ZNF600: variants seen among roughly 807,000 people sequenced by gnomAD.
The protein encoded by ZNF600 is zinc finger protein 600.
ZNF600 carries 4 observed loss-of-function variants against 7.3 expected under a neutral mutation model. The observed-to-expected ratio is 0.55, with a 90% CI of 0.27 to 1.25. ZNF600 has a LOEUF of 1.25. Ranked by LOEUF, ZNF600 falls within the 50% of genes most tolerant of loss-of-function variation. The pLI, the probability that ZNF600 is intolerant of heterozygous loss-of-function variation, is 0.12. For synonymous variants in ZNF600, 290 were observed against 308.9 expected (o/e 0.94, Z 0.64); for missense variants, 911 against 922.1 (o/e 0.99, Z 0.16).
intron 1 of ZNF600, among the ~76,000 whole-genome samples, chr19:52,783,113 T>G (rs977398921): frequency 6.7e-6 from 1 of 150,212 alleles, no homozygotes; most frequent in Admixed American, 6.7e-5. Context: ...GTCACTGTCC[T>G]CTGGCTGAAG....
rs1423263563 is a variant in ZNF600 at position 52,767,683 on chromosome 19, G to C, written c.280C>G (p.Gln94Glu). The change falls in exon 4 of 4, where the codon CAA (glutamine) becomes GAA (glutamate). Residue 94 changes from glutamine (Q) to glutamate (E), a missense_variant. Physicochemically the swap from Gln to Glu is conservative, Grantham distance 29. Transcript: ENST00000648973. ...CAAAAATCTCCAATGTGATAACTTTGATATCTTTGCAATGTCCCTGTGTGG... is the reference window on the plus strand; with the variant it reads ...CAAAAATCTCCAATGTGATAACTTTCATATCTTTGCAATGTCCCTGTGTGG... The C allele has an allele frequency of 1.3e-5, 21 of 1,613,730 alleles. No homozygotes were observed. The highest frequency in any genetic ancestry group is 6.7e-5 in the Admixed American group (4 of 59,954).
chr19:52,794,168 GA>G, the ZNF600 span, among the ~76,000 whole-genome samples: 2 of 152,222 alleles, frequency 1.3e-5, no homozygotes, highest in Admixed American at 1.3e-4. Flanking sequence ...ATGAGATAAG[GA>G]AAAGCAGTGG....
intron 3 of ZNF600, among the ~76,000 whole-genome samples, chr19:52,770,822 T>C (rs1432114197): frequency 6.6e-6 from 1 of 152,124 alleles, no homozygotes; most frequent in Non-Finnish European, 1.5e-5. Context: ...GGGCTTTTAA[T>C]TGTATTTTTT....
chr19:52,807,977 A>C, the ZNF600 span: 1 of 1,612,200 alleles, frequency 6.2e-7, no homozygotes, highest in Non-Finnish European at 8.5e-7. Flanking sequence ...AAAGATACAC[A>C]AGGGCACATC....
chr19:52,830,667 A>G, the ZNF600 span, among the ~76,000 whole-genome samples: 1 of 151,826 alleles, frequency 6.6e-6, no homozygotes, highest in Non-Finnish European at 1.5e-5. Flanking sequence ...TGTCCAGTGG[A>G]TGAATAAGGT....
chr19:52,802,267 G>A, the ZNF600 span, among the ~76,000 whole-genome samples: 1 of 152,144 alleles, frequency 6.6e-6, no homozygotes, highest in Non-Finnish European at 1.5e-5. Flanking sequence ...TACTCTGAAG[G>A]CTGTGTCACA....
At chr19:52,783,004 T>C (rs899749832) in intron 1 of ZNF600, among the ~76,000 whole-genome samples, 11 of 94,354 alleles carry the variant, frequency 1.2e-4, no homozygotes, top group Admixed American at 3.2e-4. Flanking sequence ...ACGTTCCATA[T>C]AGTAACAGAG....
At chr19:52,804,749 C>T in the ZNF600 span, among the ~76,000 whole-genome samples, 1 of 152,172 alleles carries the variant, frequency 6.6e-6, no homozygotes, top group East Asian at 1.9e-4. Context: ...AAGCGATCTA[C>T]CCACCTTGGT....
the ZNF600 span, chr19:52,805,168 G>C: frequency 7.9e-5 from 12 of 152,088 alleles, no homozygotes; most frequent in Admixed American, 7.9e-4. Flanking sequence ...TACTTGGAAG[G>C]CTGAGGCAGG....
At chr19:52,813,666 C>G in the ZNF600 span, among the ~76,000 whole-genome samples, 1 of 136,868 alleles carries the variant, frequency 7.3e-6, no homozygotes, top group South Asian at 2.8e-4. Flanking sequence ...GCCTGGTGAT[C>G]TATTTTGTTT....
the ZNF600 span, chr19:52,810,673 C>T: frequency 7.6e-6 from 7 of 917,430 alleles, no homozygotes; most frequent in Admixed American, 1.7e-5. Flanking sequence ...CTACAGGGGC[C>T]GGGCTAGAGC....
At chr19:52,812,853 A>G in the ZNF600 span, among the ~76,000 whole-genome samples, 1 of 151,338 alleles carries the variant, frequency 6.6e-6, no homozygotes, top group African/African-American at 2.4e-5. Flanking sequence ...CCTTTGAGGA[A>G]ATGCATCACC....
intron 1 of ZNF600, 132 bp from the exon 4 acceptor site, chr19:52,779,039 CAGAG>C: frequency 1.3e-6 from 1 of 777,828 alleles, no homozygotes; most frequent in South Asian, 2.2e-5. Context: ...AGAGATCATG[CAGAG>C]ATAAGAAAGT....
At chr19:52,821,114 A>G in the ZNF600 span, among the ~76,000 whole-genome samples, 1 of 152,120 alleles carries the variant, frequency 6.6e-6, no homozygotes. Flanking sequence ...AGCAGGGCCC[A>G]GCAAGAGGAG....
At chr19:52,808,649 A>G in the ZNF600 span, among the ~76,000 whole-genome samples, 3 of 151,740 alleles carry the variant, frequency 2.0e-5, no homozygotes, top group African/African-American at 4.8e-5. Flanking sequence ...AAAATTAAAA[A>G]AAAAAACAAA....
the ZNF600 span, chr19:52,818,032 C>A: frequency 6.2e-7 from 1 of 1,601,106 alleles, no homozygotes; most frequent in African/African-American, 1.3e-5. Flanking sequence ...GAAGTCAATC[C>A]TGAATGTTAA....
the ZNF600 span, among the ~76,000 whole-genome samples, chr19:52,825,457 T>A: frequency 6.6e-6 from 1 of 152,078 alleles, no homozygotes; most frequent in Non-Finnish European, 1.5e-5. Context: ...GAGGATCACT[T>A]GAGGCCAGGA....
chr19:52,801,870 TTA>T, the ZNF600 span, among the ~76,000 whole-genome samples: 1 of 152,174 alleles, frequency 6.6e-6, no homozygotes, highest in Non-Finnish European at 1.5e-5. Flanking sequence ...TAAAGGGCGA[TTA>T]TATGTCTTTC....
intron 3 of ZNF600, among the ~76,000 whole-genome samples, chr19:52,770,736 C>G (rs2062623853): frequency 6.6e-6 from 1 of 152,184 alleles, no homozygotes; most frequent in South Asian, 2.1e-4. Flanking sequence ...TTCTTATTCT[C>G]CAATAAGGAT....
Sources: allele counts gnomAD v4.1 joint callset (sites outside exome capture counted in the v4.1 genomes callset), GRCh38; gene constraint gnomAD v4.1.1; transcripts MANE v1.5; gene names NCBI Gene and HGNC (gene_info 2026-07-23, HGNC 2026-07-21).